Variants in GGPS1 observed in about 807,000 individuals in gnomAD.
GGPS1 encodes the protein geranylgeranyl diphosphate synthase 1.
In GGPS1, 15 loss-of-function variants were observed where a neutral mutation model predicts 28.1. The observed-to-expected ratio is 0.53, with a 90% CI of 0.36 to 0.82. The LOEUF is 0.82. Ranked by LOEUF, GGPS1 falls within the 40% of genes least tolerant of loss-of-function variation. The pLI is 0.01. For synonymous variants in GGPS1, 138 were observed against 122.4 expected (o/e 1.13, Z -0.84); for missense variants, 284 against 348.3 (o/e 0.82, Z 1.47).
At chr1:235,331,255 A>G (rs985179244) in intron 1 of GGPS1, among the ~76,000 whole-genome samples, 13 of 152,220 alleles carry the variant, frequency 8.5e-5, no homozygotes, top group African/African-American at 3.1e-4. Flanking sequence ...CATGTTGTTA[A>G]AATGATTTCT....
At position 235,342,097 on chromosome 1, in the gene GGPS1, T is replaced by C; in HGVS notation, c.228T>C (p.Phe76=). ...IEDNSKLRRG[F]PVAHSIYGIP... ...ACAACTCAAAACTCCGACGTGGCTT[T>C]CCAGTGGCCCACAGCATCTATGGAA... The change falls in exon 4 of 4, where the codon TTT becomes TTC. Residue 76 remains phenylalanine, a synonymous_variant. Transcript: ENST00000282841. 1 of 1,613,820 alleles carries C rather than the reference T, an allele frequency of 6.2e-7. No homozygotes were observed. Among genetic ancestry groups the C allele is most frequent in the South Asian group, 1.1e-5 (1 of 91,044 alleles).
Position 235,335,301 on chromosome 1 carries a change from C to G in GGPS1, c.37C>G (p.Leu13Val), listed in dbSNP as rs1409338946. 6.4e-7 allele frequency: 1 copy of G among 1,555,804 alleles called. No homozygotes were observed. Reference sequence around the variant, plus strand: ...TCAAGAAACAGTCCAAAGAATTCTTCTAGAACCCTATAAATACTTACTTCA... The same window carrying G: ...TCAAGAAACAGTCCAAAGAATTCTTGTAGAACCCTATAAATACTTACTTCA... ...KTQETVQRIL[L>V]EPYKYLLQLP... is the part of the protein sequence containing the mutation. The change falls in exon 2 of 4, where the codon CTA becomes GTA. Residue 13 changes from leucine (L) to valine (V), a missense_variant. Leu to Val is a conservative substitution (Grantham distance 32, BLOSUM62 1). Transcript: ENST00000282841.
At chr1:235,334,928 G>T (rs908805772) in intron 1 of GGPS1, among the ~76,000 whole-genome samples, 1 of 152,034 alleles carries the variant, frequency 6.6e-6, no homozygotes, top group African/African-American at 2.4e-5. Flanking sequence ...AGTAGAGATG[G>T]TGTGAAGGCT....
chr1:235,342,055 C>A lies in GGPS1; in HGVS notation c.186C>A (p.Leu62=). ...AAATGTTGCATAATGCCAGTTTACT[C>A]ATCGATGATATTGAAGACAACTCAA... The part of the protein sequence containing the change: ...VTEMLHNASL[L]IDDIEDNSKL... The change falls in exon 4 of 4, where the codon CTC becomes CTA. Residue 62 remains leucine, a synonymous_variant. Coordinates refer to ENST00000282841, the MANE Select transcript of GGPS1 (RefSeq NM_004837.4). 1 of 1,603,388 alleles carries A rather than the reference C, an allele frequency of 6.2e-7. No homozygotes were observed. The highest frequency in any genetic ancestry group is 8.5e-7 in the Non-Finnish European group (1 of 1,173,988).
At chr1:235,336,819 A>C (rs539124231) in intron 2 of GGPS1, 1 of 152,722 alleles carries the variant, frequency 6.5e-6, no homozygotes, top group South Asian at 2.1e-4. Context: ...TAATATGTGC[A>C]TTTCTGTTCT....
At chr1:235,341,539 T>C (rs927158773) in intron 2 of GGPS1, among the ~76,000 whole-genome samples, 169 bp from the exon 3 acceptor site, 34 of 152,166 alleles carry the variant, frequency 2.2e-4, no homozygotes, top group African/African-American at 8.0e-4. Flanking sequence ...TGGTTGAGAA[T>C]GAGTTATTGA....
chr1:235,341,998 A>AT lies in GGPS1; in HGVS notation c.142-6dup, dbSNP rs3841735. 501,692 of 1,463,350 alleles carry AT rather than the reference A, an allele frequency of 0.34. 89,021 individuals are homozygous for AT. The highest frequency in any genetic ancestry group is 0.52 in the South Asian group (39,945 of 77,442). The allele number at this position is 1,463,350 out of a possible 1,614,324, so 90.6% of individuals were successfully genotyped here. A position where few individuals can be genotyped will look rare whatever the true frequency, so the allele number is the denominator to read the frequency against. On this transcript the variant is annotated splice_polypyrimidine_tract_variant and intron_variant, in intron 3 of 3. Transcript: ENST00000282841. ...ATAGTTCAAATAAGTGAAATTTTCA[A>AT]TTTTTTTATTAGATTATTATTGAAG...
rs1172996495 is a variant in GGPS1 at position 235,335,139 on chromosome 1, CTAGGTGTCTT to C, written c.-23-101_-23-92del. The C allele has an allele frequency of 5.0e-6, 3 of 599,544 alleles. No homozygotes were observed. In the African/African-American group the frequency reaches 5.7e-5, roughly 11 times the overall value. The allele number at this position is 599,544 out of a possible 1,614,324, so 37.1% of individuals were successfully genotyped here. A position where few individuals can be genotyped will look rare whatever the true frequency, so the allele number is the denominator to read the frequency against. ...AACAGAATCTTCTTTTTAAACCAGA[CTAGGTGTCTT>C]TTCACAAACACCCTGCAATACAAAT... On this transcript the variant is annotated intron_variant, in intron 1 of 3. Transcript: ENST00000282841.
At chr1:235,333,136 C>G (rs1480348201) in intron 1 of GGPS1, among the ~76,000 whole-genome samples, 1 of 151,694 alleles carries the variant, frequency 6.6e-6, no homozygotes, top group Non-Finnish European at 1.5e-5. Context: ...AGCCCACACC[C>G]CCTTAGTTGT....
chr1:235,340,532 C>G (rs1014714923), intron 2 of GGPS1, among the ~76,000 whole-genome samples: 1 of 150,298 alleles, frequency 6.7e-6, no homozygotes, highest in South Asian at 2.1e-4. Context: ...GTCAGGAGAT[C>G]GAGACCATCC....
intron 2 of GGPS1, among the ~76,000 whole-genome samples, chr1:235,341,434 A>C (rs76729995): frequency 0.046 from 7,002 of 152,258 alleles, 531 homozygotes; most frequent in African/African-American, 0.15. Flanking sequence ...GTTCAGATGA[A>C]AAGAGTGGAC....
chr1:235,332,475 C>A (rs1209926253), intron 1 of GGPS1, among the ~76,000 whole-genome samples: 1 of 152,172 alleles, frequency 6.6e-6, no homozygotes, highest in African/African-American at 2.4e-5. Context: ...TGCTGATGGA[C>A]ACTTAGGTTG....
Position 235,342,232 on chromosome 1 carries a change from A to C in GGPS1, c.363A>C (p.Glu121Asp), listed in dbSNP as rs138851336. The C allele has an allele frequency of 2.5e-6, 4 of 1,613,740 alleles. No homozygotes were observed. The highest frequency in any genetic ancestry group is 3.4e-6 in the Non-Finnish European group (4 of 1,179,860). ...AVKLFTRQLL[E>D]LHQGQGLDIY... ...AGCTTTTTACCCGCCAGCTTTTGGAACTCCATCAGGGACAAGGCCTAGATA... is the reference window on the plus strand; with the variant it reads ...AGCTTTTTACCCGCCAGCTTTTGGACCTCCATCAGGGACAAGGCCTAGATA... Residue 121 changes from glutamate (E) to aspartate (D), a missense_variant, in exon 4 of 4, where the codon GAA becomes GAC. Physicochemically the swap from Glu to Asp is conservative, Grantham distance 45. Transcript: ENST00000282841.
intron 2 of GGPS1, among the ~76,000 whole-genome samples, chr1:235,340,296 C>A (rs2803847): frequency 1.3e-5 from 2 of 151,910 alleles, no homozygotes; most frequent in African/African-American, 4.8e-5. Context: ...AACATGGGAA[C>A]ACACTGTCTC....
Position 235,342,359 on chromosome 1 carries a change from C to T in GGPS1, c.490C>T (p.Gln164Ter). The change falls in exon 4 of 4, where the codon CAG becomes TAG. Residue 164 changes from glutamine to a stop codon, truncating the protein, a stop_gained. Coordinates refer to ENST00000282841, the MANE Select transcript of GGPS1 (RefSeq NM_004837.4). LOFTEE classifies it high-confidence loss of function. ...GTTTGGATTAGCAGTAGGTCTCATG[C>T]AGTTGTTCTCTGATTACAAAGAAGA... ...GLFGLAVGLMQLFSDYKEDLK... is the reference protein window; with the variant it reads ...GLFGLAVGLM 2 of 1,613,892 alleles carry T rather than the reference C, an allele frequency of 1.2e-6. No individual in the cohort carries two copies. The highest frequency in any genetic ancestry group is 1.7e-6 in the Non-Finnish European group (2 of 1,179,738).
chr1:235,344,446 T>C lies in GGPS1; in HGVS notation c.*1674T>C, dbSNP rs572981753. The C allele has an allele frequency of 6.0e-6, 1 of 167,150 alleles. No individual in the cohort carries two copies. Among genetic ancestry groups the C allele is most frequent in the East Asian group, 1.9e-4 (1 of 5,190 alleles). 10.4% of individuals were successfully genotyped at this position (167,150 alleles called of 1,614,324 possible). On this transcript the variant is annotated 3_prime_UTR_variant, in exon 4 of 4. Transcript: ENST00000282841. ...TGTTATAGTATGGAAAGTTGAACTT[T>C]ATGAACCCATACTTTTAAAAAGCAT...
At position 235,344,106 on chromosome 1, in the gene GGPS1, T is replaced by C. The variant is rs1676136269; in HGVS notation, c.*1334T>C. The C allele has an allele frequency of 6.2e-6, 1 of 161,520 alleles. No homozygotes were observed. The highest frequency in any genetic ancestry group is 2.6e-5 in the African/African-American group (1 of 38,442). The allele number at this position is 161,520 out of a possible 1,614,324, so 10.0% of individuals were successfully genotyped here. The stretch of plus-strand genomic sequence containing the variant: ...ACCTGGTTACCAGTTTTCTGTAGTT[T>C]CTACACCCAAGCCACTGAAGTCATC... On this transcript the variant is annotated 3_prime_UTR_variant, in exon 4 of 4. Transcript: ENST00000282841.
chr1:235,333,067 CAAA>C (rs5781828), intron 1 of GGPS1, among the ~76,000 whole-genome samples: 3 of 43,312 alleles, frequency 6.9e-5, no homozygotes, highest in African/African-American at 2.3e-4. Flanking sequence ...GACTCCGTCT[CAAA>C]AAAAAAAAAA....
intron 1 of GGPS1, among the ~76,000 whole-genome samples, chr1:235,333,557 A>G (rs1313426092): frequency 6.1e-5 from 9 of 148,138 alleles, no homozygotes; most frequent in African/African-American, 2.1e-4. Flanking sequence ...CAACGAGCAA[A>G]ACTCCGTCTC....
Sources: gnomAD v4.1 joint callset for allele counts (sites outside exome capture counted in the v4.1 genomes callset) on GRCh38, gnomAD v4.1.1 for gene constraint, MANE v1.5 for transcripts, NCBI Gene and HGNC (gene_info 2026-07-23, HGNC 2026-07-21) for gene names.